The following MARCHF1 variants were observed in gnomAD, a reference collection of about 807,000 sequenced individuals.
MARCHF1 encodes the protein E3 ubiquitin-protein ligase MARCHF1.
A neutral mutation model predicts 54.2 loss-of-function variants in MARCHF1; 40 were observed. The ratio of observed to expected loss-of-function variants is 0.74; its 90% CI spans 0.57 to 0.96. The LOEUF (loss-of-function observed/expected upper bound fraction) is 0.96. Ranked by LOEUF, MARCHF1 falls within the 40% of genes least tolerant of loss-of-function variation. The probability of loss-of-function intolerance (pLI) is 0.00; values close to 1 mark genes in which losing one functional copy is unlikely to be tolerated. For missense variants in MARCHF1, 586 were observed against 656.5 expected, an observed-to-expected ratio of 0.89 and a Z score of 1.17; for synonymous variants, 236 against 236.3, an observed-to-expected ratio of 1.00 and a Z score of 0.01.
At chr4:164,217,879 T>A (rs1731976884) in intron 1 of MARCHF1, among the ~76,000 whole-genome samples, 1 of 151,940 alleles carries the variant, frequency 6.6e-6, no homozygotes, top group Admixed American at 6.6e-5. Flanking sequence ...GTAAGAAGGG[T>A]TTTTAGTGGA....
intron 3 of MARCHF1, among the ~76,000 whole-genome samples, chr4:163,945,887 A>G (rs1209003548): frequency 6.6e-6 from 1 of 152,128 alleles, no homozygotes; most frequent in Non-Finnish European, 1.5e-5. Context: ...GCCTGAACCG[A>G]GTCACCCTTC....
intron 4 of MARCHF1, among the ~76,000 whole-genome samples, chr4:163,788,679 T>C (rs1747688195): frequency 6.6e-6 from 1 of 152,018 alleles, no homozygotes; most frequent in Non-Finnish European, 1.5e-5. Context: ...CTGCATCATA[T>C]CAGGAGGTAC....
At chr4:163,941,662 G>A (rs1290778705) in intron 3 of MARCHF1, among the ~76,000 whole-genome samples, 8 of 152,172 alleles carry the variant, frequency 5.3e-5, no homozygotes. Context: ...GTCCTTCAGA[G>A]ACATTCCTCC....
At chr4:163,678,299 G>A (rs1428946092) in intron 5 of MARCHF1, among the ~76,000 whole-genome samples, 1 of 152,190 alleles carries the variant, frequency 6.6e-6, no homozygotes, top group Non-Finnish European at 1.5e-5. Context: ...CAGGAAAGTG[G>A]ATGGTATACA....
At chr4:164,278,068 T>C (rs965287278) in intron 1 of MARCHF1, among the ~76,000 whole-genome samples, 2 of 152,128 alleles carry the variant, frequency 1.3e-5, no homozygotes, top group African/African-American at 2.4e-5. Context: ...AATATCAGCA[T>C]GTTGGGAGGC....
chr4:163,773,938 CCATT>C (rs1747231580), intron 4 of MARCHF1, among the ~76,000 whole-genome samples: 2 of 152,046 alleles, frequency 1.3e-5, no homozygotes, highest in Non-Finnish European at 2.9e-5. Flanking sequence ...GGTCCAATTG[CCATT>C]CAAAGAAGTC....
intron 3 of MARCHF1, among the ~76,000 whole-genome samples, chr4:163,855,458 C>T (rs1005308462): frequency 1.3e-5 from 2 of 152,156 alleles, no homozygotes; most frequent in Non-Finnish European, 2.9e-5. Flanking sequence ...TTGCACTCTA[C>T]AGAAAGTAAA....
At chr4:164,052,948 G>C (rs142243103) in intron 2 of MARCHF1, among the ~76,000 whole-genome samples, 12 of 152,086 alleles carry the variant, frequency 7.9e-5, no homozygotes, top group Non-Finnish European at 1.6e-4. Context: ...TTTACATCCA[G>C]ATGGCTTATT....
chr4:163,844,361 C>T (rs560993453), intron 4 of MARCHF1, among the ~76,000 whole-genome samples: 13 of 152,184 alleles, frequency 8.5e-5, no homozygotes, highest in African/African-American at 2.6e-4. Context: ...TGTTTTCTCC[C>T]ATCCTATATG....
rs116369889 is a variant in MARCHF1 at position 164,140,942 on chromosome 4, T to C, written c.-322-29280A>G. 3.2e-3 allele frequency among the ~76,000 whole-genome samples: 488 copies of C among 152,264 alleles called. 1 individual carries two copies. Among genetic ancestry groups the C allele is most frequent in the African/African-American group, 0.011 (462 of 41,556 alleles). On this transcript the variant is annotated intron_variant, in intron 1 of 9. Transcript: ENST00000514618. ...CAGTGCTGCAGGAGGTCTCTAACAA[T>C]CCATGAGGGTTAGCATAAGACTGGA...
At chr4:164,343,835 CA>C (rs1729995560) in intron 1 of MARCHF1, among the ~76,000 whole-genome samples, 1 of 152,014 alleles carries the variant, frequency 6.6e-6, no homozygotes, top group South Asian at 2.1e-4. Context: ...TCAAAGAACT[CA>C]AAACAGTTAC....
intron 1 of MARCHF1, among the ~76,000 whole-genome samples, chr4:164,141,770 T>A (rs1340929144): frequency 6.6e-6 from 1 of 152,192 alleles, no homozygotes; most frequent in African/African-American, 2.4e-5. Flanking sequence ...CAGAGTGCAA[T>A]CTATATTTTA....
intron 8 of MARCHF1, among the ~76,000 whole-genome samples, chr4:163,561,580 C>T (rs375281044): frequency 4.6e-5 from 7 of 152,136 alleles, no homozygotes; most frequent in East Asian, 1.9e-4. Context: ...ACTATTAGCA[C>T]GTTTTGAATG....
chr4:163,829,338 C>T (rs998912264), intron 4 of MARCHF1, among the ~76,000 whole-genome samples: 2 of 152,120 alleles, frequency 1.3e-5, no homozygotes, highest in Non-Finnish European at 2.9e-5. Flanking sequence ...TATAGAGACA[C>T]AGAAAGACTA....
chr4:163,714,380 A>G (rs1433375639), intron 4 of MARCHF1, among the ~76,000 whole-genome samples: 3 of 152,240 alleles, frequency 2.0e-5, no homozygotes, highest in Non-Finnish European at 4.4e-5. Context: ...TTTTAAATAG[A>G]AATCCTGGCC....
At chr4:164,265,386 C>A (rs1733584003) in intron 1 of MARCHF1, among the ~76,000 whole-genome samples, 1 of 151,810 alleles carries the variant, frequency 6.6e-6, no homozygotes, top group Non-Finnish European at 1.5e-5. Flanking sequence ...TCTTTAGATT[C>A]TTTGTTTAAG....
intron 1 of MARCHF1, among the ~76,000 whole-genome samples, chr4:164,346,062 C>T (rs1730084536): frequency 6.6e-6 from 1 of 152,082 alleles, no homozygotes; most frequent in Non-Finnish European, 1.5e-5. Flanking sequence ...GGTACTAAAA[C>T]AAATTCACCA....
At chr4:163,962,103 T>C (rs1466991149) in intron 3 of MARCHF1, among the ~76,000 whole-genome samples, 1 of 151,966 alleles carries the variant, frequency 6.6e-6, no homozygotes, top group Non-Finnish European at 1.5e-5. Flanking sequence ...TTGCTGTTAT[T>C]TCTGTTAAGT....
At chr4:163,592,140 T>G (rs1373694668) in intron 7 of MARCHF1, among the ~76,000 whole-genome samples, 3 of 152,124 alleles carry the variant, frequency 2.0e-5, no homozygotes, top group Admixed American at 1.3e-4. Flanking sequence ...AAGTTCAAAA[T>G]ACAATCATGA....
Sources: allele counts gnomAD v4.1 joint callset (sites outside exome capture counted in the v4.1 genomes callset), GRCh38; gene constraint gnomAD v4.1.1; transcripts MANE v1.5; gene names NCBI Gene and HGNC (gene_info 2026-07-23, HGNC 2026-07-21).